Variants in CREB5 observed in about 807,000 individuals in gnomAD.
CREB5 encodes the protein cyclic AMP-responsive element-binding protein 5.
In CREB5, 19 loss-of-function variants were observed where a neutral mutation model predicts 57.1. The observed-to-expected ratio is 0.33, with a 90% CI of 0.23 to 0.49. The LOEUF is 0.49. Among genes scored for constraint, CREB5 ranks in the 20% least tolerant of loss-of-function variants. CREB5 has a pLI of 0.99. For synonymous variants in CREB5, 238 were observed against 238.3 expected (o/e 1.00, Z 0.01); for missense variants, 579 against 671.6 (o/e 0.86, Z 1.52).
At chr7:28,518,153 A>G (rs2128613562) in intron 4 of CREB5, among the ~76,000 whole-genome samples, 1 of 152,168 alleles carries the variant, frequency 6.6e-6, no homozygotes, top group East Asian at 1.9e-4. Flanking sequence ...AGCCCTTGAG[A>G]TCTGAGGTAT....
intron 1 of CREB5, among the ~76,000 whole-genome samples, chr7:28,432,491 T>G (rs1788762947): frequency 6.6e-6 from 1 of 152,212 alleles, no homozygotes; most frequent in Admixed American, 6.5e-5. Flanking sequence ...TTAGTGGTCT[T>G]GGTAACTTCT....
chr7:28,486,260 G>GTA (rs1191180365), intron 1 of CREB5, among the ~76,000 whole-genome samples: 1 of 152,052 alleles, frequency 6.6e-6, no homozygotes, highest in African/African-American at 2.4e-5. Context: ...AAAAGTGAAA[G>GTA]TATATATATA....
At chr7:28,686,065 G>T in intron 5 of CREB5, 1 of 1,496,072 alleles carries the variant, frequency 6.7e-7, no homozygotes, top group Non-Finnish European at 9.2e-7. Flanking sequence ...TCATCGCTTG[G>T]CCTGGAATCA....
Position 28,820,016 on chromosome 7 carries a change from A to T in CREB5, c.*737A>T, listed in dbSNP as rs1809671359. 1 of 151,820 alleles carries T rather than the reference A, an allele frequency of 6.6e-6. No homozygotes were observed. Among genetic ancestry groups the T allele is most frequent in the African/African-American group, 2.4e-5 (1 of 41,322 alleles). 9.4% of individuals were successfully genotyped at this position (151,820 alleles called of 1,614,324 possible). On this transcript the variant is annotated 3_prime_UTR_variant, in exon 11 of 11. Coordinates refer to ENST00000357727, the MANE Select transcript of CREB5 (RefSeq NM_182898.4). ...TTTAAAGAAAAAAAAAAAAAAGCAA[A>T]CCTCCAAAACGTGGACCTAACCATT...
chr7:28,529,747 GCA>G (rs1457538587), intron 4 of CREB5, among the ~76,000 whole-genome samples: 5 of 152,312 alleles, frequency 3.3e-5, no homozygotes, highest in Admixed American at 6.5e-5. Context: ...AGTGAAAGCT[GCA>G]CAGAGACAGC....
chr7:28,758,149 G>T (rs912739273), intron 7 of CREB5, among the ~76,000 whole-genome samples: 5 of 152,134 alleles, frequency 3.3e-5, no homozygotes, highest in Non-Finnish European at 7.4e-5. Flanking sequence ...CCTGGTTGTT[G>T]TACTCTCCTT....
At chr7:28,764,135 A>G (rs1411495978) in intron 7 of CREB5, among the ~76,000 whole-genome samples, 2 of 152,112 alleles carry the variant, frequency 1.3e-5, no homozygotes, top group African/African-American at 4.8e-5. Flanking sequence ...TAGTATAGAA[A>G]TTACATTCAT....
At chr7:28,751,721 CA>C (rs1804983535) in intron 7 of CREB5, among the ~76,000 whole-genome samples, 1 of 152,182 alleles carries the variant, frequency 6.6e-6, no homozygotes, top group Non-Finnish European at 1.5e-5. Context: ...ATACAATTAC[CA>C]AAACCAGGAA....
chr7:28,680,392 A>G (rs1272568795), intron 5 of CREB5, among the ~76,000 whole-genome samples: 2 of 152,142 alleles, frequency 1.3e-5, no homozygotes, highest in Non-Finnish European at 2.9e-5. Flanking sequence ...CAACACCAGA[A>G]CATGAATCAG....
chr7:28,407,668 A>G (rs1787612788), upstream of CREB5, among the ~76,000 whole-genome samples: 1 of 152,370 alleles, frequency 6.6e-6, no homozygotes, highest in South Asian at 2.1e-4. Context: ...AAACTCAGTG[A>G]TGAACTCTGA....
chr7:28,566,800 G>C (rs1273998743), intron 4 of CREB5, among the ~76,000 whole-genome samples: 1 of 152,230 alleles, frequency 6.6e-6, no homozygotes, highest in African/African-American at 2.4e-5. Context: ...GTGTTGGGTA[G>C]AGAAGAGATT....
In CREB5 at chr7:28,476,102, G is replaced by A. The variant is rs1052318903; in HGVS notation, c.4-12073G>A. ...CCAAACCTACCCAAGCTTATAGGTT[G>A]GCTGGTATGTGGCAGAGCCAAGTTG... On this transcript the variant is annotated intron_variant, in intron 1 of 10. Transcript: ENST00000357727. 3.4e-4 allele frequency among the ~76,000 whole-genome samples: 51 copies of A among 152,212 alleles called. 1 individual carries two copies. Among genetic ancestry groups the A allele is most frequent in the Non-Finnish European group, 2.9e-5 (2 of 68,038 alleles).
chr7:28,399,951 G>A (rs1038791943), intron 1 of CREB5, among the ~76,000 whole-genome samples: 18 of 152,156 alleles, frequency 1.2e-4, no homozygotes, highest in South Asian at 6.2e-4. Context: ...CCAGGTACTC[G>A]GGAGGCTGAG....
At chr7:28,580,724 T>C (rs1796094799) in intron 5 of CREB5, among the ~76,000 whole-genome samples, 1 of 152,030 alleles carries the variant, frequency 6.6e-6, no homozygotes, top group Admixed American at 6.6e-5. Context: ...GGAATAATTA[T>C]TATTTGCTTG....
intron 1 of CREB5, among the ~76,000 whole-genome samples, chr7:28,392,595 G>A (rs1448241291): frequency 2.6e-5 from 4 of 152,046 alleles, no homozygotes; most frequent in Non-Finnish European, 5.9e-5. Context: ...TTCACTTTGG[G>A]GTCTTTCTAA....
intron 5 of CREB5, among the ~76,000 whole-genome samples, chr7:28,641,350 G>A (rs1363655819): frequency 6.6e-6 from 1 of 152,102 alleles, no homozygotes; most frequent in Non-Finnish European, 1.5e-5. Flanking sequence ...AAATTTCAAA[G>A]GGGAAAGCGT....
chr7:28,675,254 C>T (rs1032741578), intron 5 of CREB5, among the ~76,000 whole-genome samples: 3 of 152,172 alleles, frequency 2.0e-5, no homozygotes, highest in East Asian at 1.9e-4. Flanking sequence ...TTATCTCTTT[C>T]GACCCATTAG....
At chr7:28,750,351 TG>T (rs1207282502) in intron 7 of CREB5, among the ~76,000 whole-genome samples, 1 of 152,210 alleles carries the variant, frequency 6.6e-6, no homozygotes, top group East Asian at 1.9e-4. Flanking sequence ...TTATCACAAA[TG>T]TATGCATATC....
chr7:28,375,339 T>C (rs1243782444), intron 1 of CREB5, among the ~76,000 whole-genome samples: 1 of 151,564 alleles, frequency 6.6e-6, no homozygotes, highest in African/African-American at 2.4e-5. Flanking sequence ...AGACAGAGAG[T>C]AGAAGGATGG....
Sources: gnomAD v4.1 joint callset for allele counts (sites outside exome capture counted in the v4.1 genomes callset) on GRCh38, gnomAD v4.1.1 for gene constraint, MANE v1.5 for transcripts, NCBI Gene and HGNC (gene_info 2026-07-23, HGNC 2026-07-21) for gene names.